The following PLXDC2 variants were observed in gnomAD, a reference collection of about 807,000 sequenced individuals.
PLXDC2 encodes the protein plexin domain containing 2, also known as plexin domain-containing protein 2.
Under a neutral mutation model 68.9 loss-of-function variants are expected in PLXDC2, and 40 were observed. The observed-to-expected ratio is 0.58, with a 90% CI of 0.45 to 0.76. The LOEUF is 0.76. PLXDC2 is among the 30% of genes least tolerant of loss of function. The pLI, the probability that PLXDC2 is intolerant of heterozygous loss-of-function variation, is 0.00. For synonymous variants in PLXDC2, 243 were observed against 234.2 expected (o/e 1.04, Z -0.34); for missense variants, 644 against 661.9 (o/e 0.97, Z 0.30).
chr10:20,083,920 G>T (rs1053044657), intron 4 of PLXDC2, among the ~76,000 whole-genome samples: 2 of 152,124 alleles, frequency 1.3e-5, no homozygotes, highest in Non-Finnish European at 2.9e-5. Context: ...CATGATTCTT[G>T]GTTGAAATGT....
Position 20,199,226 on chromosome 10 carries a change from C to A in PLXDC2, c.1062-12443C>A, listed in dbSNP as rs11011861. Reference sequence around the variant, plus strand: ...GGAAAAAATATTTGATAAAATTTAACCATTTTTTTAAGTTAACATTAGCAA... The same window carrying A: ...GGAAAAAATATTTGATAAAATTTAAACATTTTTTTAAGTTAACATTAGCAA... On this transcript the variant is annotated intron_variant, in intron 9 of 13. Transcript: ENST00000377252. Among the ~76,000 whole-genome samples, 1,312 of 152,006 alleles carry A rather than the reference C, an allele frequency of 8.6e-3. 18 individuals carry two copies. The highest frequency in any genetic ancestry group is 0.029 in the African/African-American group (1,214 of 41,500).
chr10:20,194,571 G>A lies in PLXDC2; in HGVS notation c.1062-17098G>A, dbSNP rs182280705. On this transcript the variant is annotated intron_variant, in intron 9 of 13. Transcript: ENST00000377252. ...CTTAGAAAAGGTACCTCACAAATAT[G>A]ATATCTTTTGAAAGATGTAAAAGTC... 4.8e-3 allele frequency among the ~76,000 whole-genome samples: 727 copies of A among 151,792 alleles called. 10 individuals carry two copies. Among genetic ancestry groups the A allele is most frequent in the Non-Finnish European group, 3.9e-3 (263 of 67,898 alleles).
chr10:20,252,926 T>C (rs1374551419), intron 13 of PLXDC2, among the ~76,000 whole-genome samples: 1 of 151,974 alleles, frequency 6.6e-6, no homozygotes, highest in Non-Finnish European at 1.5e-5. Flanking sequence ...AGGTGGAGGG[T>C]TCAACTTGAT....
intron 1 of PLXDC2, among the ~76,000 whole-genome samples, chr10:19,964,249 C>A (rs1834210390): frequency 6.6e-6 from 1 of 152,074 alleles, no homozygotes; most frequent in Non-Finnish European, 1.5e-5. Flanking sequence ...TCTGGGGAGC[C>A]GGCTCCAACT....
intron 12 of PLXDC2, among the ~76,000 whole-genome samples, chr10:20,232,920 G>A (rs993459874): frequency 1.3e-5 from 2 of 151,898 alleles, no homozygotes; most frequent in African/African-American, 2.4e-5. Flanking sequence ...AAGAAAAGAA[G>A]CATTTTGATA....
At chr10:20,187,854 A>G (rs1277438069) in intron 9 of PLXDC2, among the ~76,000 whole-genome samples, 1 of 151,872 alleles carries the variant, frequency 6.6e-6, no homozygotes, top group Non-Finnish European at 1.5e-5. Flanking sequence ...CATGTATTTT[A>G]AATGTCTTTC....
chr10:20,165,525 G>A (rs561721878), intron 7 of PLXDC2, among the ~76,000 whole-genome samples: 6 of 151,882 alleles, frequency 4.0e-5, no homozygotes, highest in Admixed American at 6.6e-5. Flanking sequence ...GAGAATATGC[G>A]GTGTTTGGTT....
intron 3 of PLXDC2, among the ~76,000 whole-genome samples, chr10:20,060,532 G>A (rs541144766): frequency 5.0e-4 from 76 of 151,434 alleles, no homozygotes; most frequent in South Asian, 1.0e-3. Context: ...TGGGCTGGTC[G>A]CTGGGCGAGC....
intron 2 of PLXDC2, among the ~76,000 whole-genome samples, chr10:20,015,481 A>G (rs1349334233): frequency 6.6e-6 from 1 of 152,050 alleles, no homozygotes; most frequent in African/African-American, 2.4e-5. Flanking sequence ...GGTGGCTTGG[A>G]TAGCCCTTGT....
intron 3 of PLXDC2, among the ~76,000 whole-genome samples, chr10:20,052,733 A>AT (rs1384614206): frequency 6.6e-6 from 1 of 151,312 alleles, no homozygotes; most frequent in Non-Finnish European, 1.5e-5. Flanking sequence ...AAAAAAAAAA[A>AT]AAAAAAAAGA....
chr10:20,078,919 G>T (rs1186720177), intron 4 of PLXDC2, among the ~76,000 whole-genome samples: 2 of 152,068 alleles, frequency 1.3e-5, no homozygotes, highest in African/African-American at 4.8e-5. Flanking sequence ...ATTTTATCAT[G>T]AAAATAAAAT....
intron 13 of PLXDC2, among the ~76,000 whole-genome samples, chr10:20,265,079 G>A (rs1052075146): frequency 2.0e-5 from 3 of 152,180 alleles, no homozygotes; most frequent in South Asian, 4.1e-4. Context: ...AACATTTTGT[G>A]CTAGAAAGAA....
chr10:20,194,190 C>CTGTGTGTG (rs58142621), intron 9 of PLXDC2, among the ~76,000 whole-genome samples: 3,389 of 143,684 alleles, frequency 0.024, 53 homozygotes, highest in Middle Eastern at 0.028. Context: ...TTGAACTCAG[C>CTGTGTGTG]TGTGTGTGTG....
At chr10:19,971,417 GTT>G (rs1161274067) in intron 1 of PLXDC2, among the ~76,000 whole-genome samples, 1 of 152,164 alleles carries the variant, frequency 6.6e-6, no homozygotes, top group Non-Finnish European at 1.5e-5. Flanking sequence ...CTACAGGCTA[GTT>G]ATTGTTTCCC....
chr10:20,164,647 C>T lies in PLXDC2; in HGVS notation c.883+80C>T, dbSNP rs77054698. 7.9e-5 allele frequency: 84 copies of T among 1,061,660 alleles called. No individual in the cohort carries two copies. The East Asian group carries it at 1.5e-3, about 19-fold the overall frequency. The allele number at this position is 1,061,660 out of a possible 1,614,324, so 65.8% of individuals were successfully genotyped here. A position where few individuals can be genotyped will look rare whatever the true frequency, so the allele number is the denominator to read the frequency against. On this transcript the variant is annotated intron_variant, in intron 7 of 13. Coordinates refer to ENST00000377252, the MANE Select transcript of PLXDC2 (RefSeq NM_032812.9). Reference sequence around the variant, plus strand: ...AGGAGATTGGTCTATGGCAGCTGTACCTGAATTAAAAAAAAAATAGCTAAT... The same window carrying T: ...AGGAGATTGGTCTATGGCAGCTGTATCTGAATTAAAAAAAAAATAGCTAAT...
intron 1 of PLXDC2, among the ~76,000 whole-genome samples, chr10:19,872,167 C>A (rs1409551544): frequency 2.0e-5 from 3 of 152,116 alleles, no homozygotes; most frequent in Non-Finnish European, 4.4e-5. Context: ...GACCATTAGC[C>A]ATGAAATAGT....
At position 20,194,270 on chromosome 10, in the gene PLXDC2, G is replaced by T. The variant is rs1050527083; in HGVS notation, c.1061+16861G>T. On this transcript the variant is annotated intron_variant, in intron 9 of 13. Coordinates refer to ENST00000377252, the MANE Select transcript of PLXDC2 (RefSeq NM_032812.9). ...GCATGAAGTTTTTAAAATATTAAGGGTATCATCTTGGTAACCTTGTAGCAA... is the reference window on the plus strand; with the variant it reads ...GCATGAAGTTTTTAAAATATTAAGGTTATCATCTTGGTAACCTTGTAGCAA... Among the ~76,000 whole-genome samples, 6 of 148,774 alleles carry T rather than the reference G, an allele frequency of 4.0e-5. No individual in the cohort carries two copies. In the South Asian group the frequency reaches 6.5e-4, roughly 16 times the overall value.
At chr10:20,147,719 C>A in intron 5 of PLXDC2, 65 bp from the exon 6 acceptor site, 1 of 1,012,112 alleles carries the variant, frequency 9.9e-7, no homozygotes, top group Non-Finnish European at 1.5e-6. Context: ...TTTGTGAAAA[C>A]TCCCACCAGA....
At chr10:19,994,802 G>T (rs2131632055) in intron 1 of PLXDC2, among the ~76,000 whole-genome samples, 1 of 151,934 alleles carries the variant, frequency 6.6e-6, no homozygotes, top group South Asian at 2.1e-4. Flanking sequence ...GGGTCCAGTG[G>T]TGCAATCTCG....
Sources: gnomAD v4.1 joint callset for allele counts (sites outside exome capture counted in the v4.1 genomes callset) on GRCh38, gnomAD v4.1.1 for gene constraint, MANE v1.5 for transcripts, NCBI Gene and HGNC (gene_info 2026-07-23, HGNC 2026-07-21) for gene names.